The following LIPA variants were observed in gnomAD, a reference collection of about 807,000 sequenced individuals.
The protein encoded by LIPA is lipase A, lysosomal acid type, also known as lysosomal acid lipase/cholesteryl ester hydrolase.
LIPA carries 26 observed loss-of-function variants against 40.6 expected under a neutral mutation model. The observed-to-expected ratio is 0.64, with a 90% confidence interval of 0.47 to 0.89. LIPA has a LOEUF of 0.89. LIPA is among the 40% of genes least tolerant of loss of function. The pLI is 0.00. For synonymous variants in LIPA, 188 were observed against 168.4 expected (o/e 1.12, Z -0.90); for missense variants, 455 against 479.6 (o/e 0.95, Z 0.48).
intron 1 of LIPA, chr10:89,340,375 A>G (rs752434021): frequency 6.3e-5 from 19 of 303,222 alleles, no homozygotes; most frequent in Non-Finnish European, 9.9e-5. Context: ...TGGCTAACAC[A>G]GTGAAATCCC....
At chr10:89,216,410 C>CATATATATAT (rs10646193) in intron 8 of LIPA, among the ~76,000 whole-genome samples, 4 of 145,242 alleles carry the variant, frequency 2.8e-5, no homozygotes, top group African/African-American at 7.6e-5. Context: ...TATATATATA[C>CATATATATAT]ATATATATAT....
At chr10:89,242,287 A>G (rs553382270) in intron 3 of LIPA, among the ~76,000 whole-genome samples, 20 of 152,368 alleles carry the variant, frequency 1.3e-4, no homozygotes, top group African/African-American at 4.6e-4. Flanking sequence ...CGAGTAGCCA[A>G]GGGCTACTAC....
chr10:89,296,022 T>C (rs942492626), intron 1 of LIPA, among the ~76,000 whole-genome samples: 3 of 152,358 alleles, frequency 2.0e-5, no homozygotes, highest in African/African-American at 7.2e-5. Flanking sequence ...AACCTTTCTC[T>C]ATGCTTCTCC....
intron 1 of LIPA, among the ~76,000 whole-genome samples, chr10:89,300,427 C>T (rs1843438211): frequency 6.6e-6 from 1 of 151,918 alleles, no homozygotes; most frequent in Non-Finnish European, 1.5e-5. Context: ...TAAATGATAC[C>T]AACACATAAA....
At chr10:89,407,610 C>G (rs191242225) in intron 2 of LIPA, among the ~76,000 whole-genome samples, 3 of 152,194 alleles carry the variant, frequency 2.0e-5, no homozygotes, top group African/African-American at 7.2e-5. Flanking sequence ...AAAGGCATTA[C>G]GCTTCCAACT....
At chr10:89,224,942 G>A (rs1842747242) in intron 6 of LIPA, 150 bp downstream of exon 6, 1 of 1,013,200 alleles carries the variant, frequency 9.9e-7, no homozygotes, top group African/African-American at 1.6e-5. Flanking sequence ...GGGTCTGGAA[G>A]GAGGGGTAAA....
intron 2 of LIPA, chr10:89,384,202 G>A (rs140067482): frequency 1.2e-6 from 2 of 1,614,038 alleles, no homozygotes; most frequent in African/African-American, 2.7e-5. Flanking sequence ...TTGCTACAGG[G>A]CACAAATGAT....
chr10:89,268,834 A>G (rs1843250856), intron 1 of LIPA, among the ~76,000 whole-genome samples: 1 of 151,914 alleles, frequency 6.6e-6, no homozygotes, highest in African/African-American at 2.4e-5. Flanking sequence ...AAAATACAAA[A>G]AGTTAGCTGG....
chr10:89,301,131 A>G (rs1244001821), intron 1 of LIPA, among the ~76,000 whole-genome samples: 1 of 152,220 alleles, frequency 6.6e-6, no homozygotes, highest in African/African-American at 2.4e-5. Context: ...TTCCCAATTT[A>G]CAAAACCGAA....
intron 1 of LIPA, chr10:89,309,223 T>C (rs1843502328): frequency 6.6e-6 from 1 of 152,204 alleles, no homozygotes; most frequent in African/African-American, 2.4e-5. Context: ...TTTCATCACA[T>C]TTTCTCTATT....
chr10:89,271,581 T>C (rs1490333227), intron 1 of LIPA, among the ~76,000 whole-genome samples: 1 of 152,218 alleles, frequency 6.6e-6, no homozygotes, highest in African/African-American at 2.4e-5. Context: ...GGAGGTCTTC[T>C]GGGGTGCCTC....
upstream of LIPA, among the ~76,000 whole-genome samples, chr10:89,253,074 G>T (rs879692857): frequency 2.0e-5 from 3 of 152,164 alleles, no homozygotes; most frequent in Non-Finnish European, 2.9e-5. Context: ...TAGAAGTCTG[G>T]TGCCTTGGGA....
chr10:89,283,248 C>T (rs549846650), intron 1 of LIPA, among the ~76,000 whole-genome samples: 2 of 152,186 alleles, frequency 1.3e-5, no homozygotes, highest in South Asian at 4.1e-4. Context: ...GTAACCAACA[C>T]TTCCATTTCT....
chr10:89,215,196 G>GT (rs1337666815), intron 9 of LIPA, 135 bp from the exon 10 acceptor site: 2 of 732,358 alleles, frequency 2.7e-6, no homozygotes, highest in African/African-American at 3.5e-5. Context: ...ATCTCTTTGA[G>GT]TATCTTTTCA....
At chr10:89,290,078 T>C (rs1564776856) in intron 1 of LIPA, among the ~76,000 whole-genome samples, 1 of 151,292 alleles carries the variant, frequency 6.6e-6, no homozygotes, top group Non-Finnish European at 1.5e-5. Context: ...ATGACAACAA[T>C]AAAAAAAACT....
At chr10:89,252,673 G>C (rs1184873071), upstream of LIPA, among the ~76,000 whole-genome samples, 2 of 152,138 alleles carry the variant, frequency 1.3e-5, no homozygotes, top group South Asian at 2.1e-4. Flanking sequence ...GGGTGTGGTG[G>C]TGTGTGCCTC....
chr10:89,346,844 T>C (rs1589617819), upstream of LIPA, among the ~76,000 whole-genome samples: 8 of 152,182 alleles, frequency 5.3e-5, no homozygotes, highest in Admixed American at 5.2e-4. Context: ...GGGACAGCTA[T>C]TGTGTGGAAA....
chr10:89,378,214 T>C, intron 2 of LIPA: 1 of 1,496,254 alleles, frequency 6.7e-7, no homozygotes, highest in African/African-American at 1.4e-5. Flanking sequence ...TAAGGGCCAA[T>C]TTTTTGACAG....
chr10:89,316,371 T>C lies in LIPA; in HGVS notation c.-2+26240A>G, dbSNP rs181751877. On this transcript the variant is annotated intron_variant, in intron 1 of 5. Transcript: ENST00000282673. ...GAATATTGAGACACTCCCACCCTAA[T>C]ACTGCGCTTTTCCAACGGTCTTAGC... Among the ~76,000 whole-genome samples, 79 of 152,332 alleles carry C rather than the reference T, an allele frequency of 5.2e-4. 1 individual carries two copies. Among genetic ancestry groups the C allele is most frequent in the Non-Finnish European group, 7.4e-5 (5 of 68,022 alleles).
Sources: gnomAD v4.1 joint callset for allele counts (sites outside exome capture counted in the v4.1 genomes callset) on GRCh38, gnomAD v4.1.1 for gene constraint, MANE v1.5 for transcripts, NCBI Gene and HGNC (gene_info 2026-07-23, HGNC 2026-07-21) for gene names.